GALR1: variants seen among roughly 807,000 people sequenced by gnomAD.
GALR1 encodes the protein galanin receptor type 1.
In GALR1, 11 loss-of-function variants were observed where a neutral mutation model predicts 17.9. That is an observed-to-expected ratio of 0.62 (90% CI 0.39 to 1.02). The LOEUF is 1.02. Ranked by LOEUF, GALR1 falls within the 50% of genes least tolerant of loss-of-function variation. GALR1 has a pLI of 0.01. For synonymous variants in GALR1, 206 were observed against 205.7 expected, an observed-to-expected ratio of 1.00 and a Z score of -0.01; for missense variants, 441 against 456.9, an observed-to-expected ratio of 0.97 and a Z score of 0.32.
At position 77,274,228 on chromosome 18, in the gene GALR1, G is replaced by A. The variant is rs145021312; in HGVS notation, c.*5326G>A. Reference sequence around the variant, plus strand: ...AATCTAGCCAAGGTGTCACATAATGGAGAAAAATGCAGATGGTCCTGTGGC... The same window carrying A: ...AATCTAGCCAAGGTGTCACATAATGAAGAAAAATGCAGATGGTCCTGTGGC... On this transcript the variant is annotated 3_prime_UTR_variant, in exon 3 of 3. Coordinates refer to ENST00000299727, the MANE Select transcript of GALR1 (RefSeq NM_001480.4). 86 of 152,112 alleles carry A rather than the reference G, an allele frequency of 5.7e-4. No individual in the cohort carries two copies. Among genetic ancestry groups the A allele is most frequent in the African/African-American group, 2.0e-3 (82 of 41,478 alleles). 9.4% of individuals were successfully genotyped at this position (152,112 alleles called of 1,614,324 possible).
At chr18:77,258,323 A>G (rs1208000281) in intron 2 of GALR1, among the ~76,000 whole-genome samples, 3 of 152,224 alleles carry the variant, frequency 2.0e-5, no homozygotes, top group Non-Finnish European at 4.4e-5. Flanking sequence ...TGAAGAAGGG[A>G]TGAAGATTTT....
intron 1 of GALR1, among the ~76,000 whole-genome samples, chr18:77,251,596 G>C (rs72618557): frequency 0.2 from 30,823 of 152,198 alleles, 4,027 homozygotes; most frequent in East Asian, 0.42. Context: ...AACCCCGCTC[G>C]GTTCCAGCAA....
intron 2 of GALR1, among the ~76,000 whole-genome samples, chr18:77,258,546 GTGA>G (rs1377946528): frequency 9.8e-6 from 1 of 102,200 alleles, no homozygotes; most frequent in East Asian, 3.0e-4. Flanking sequence ...GATTGTGGTG[GTGA>G]TGGTGGTGGT....
At chr18:77,252,716 C>A (rs185237078) in intron 1 of GALR1, among the ~76,000 whole-genome samples, 51 of 151,938 alleles carry the variant, frequency 3.4e-4, no homozygotes, top group Non-Finnish European at 6.8e-4. Flanking sequence ...GGTGTGGTGG[C>A]GGGCCCCTGT....
At chr18:77,258,687 A>ATAG (rs1568141353) in intron 2 of GALR1, among the ~76,000 whole-genome samples, 40 of 98,612 alleles carry the variant, frequency 4.1e-4, no homozygotes, top group African/African-American at 1.4e-3. Context: ...GGTGATGGTG[A>ATAG]TGGTGGTGGT....
chr18:77,254,582 T>A lies in GALR1; in HGVS notation c.667-1576T>A, dbSNP rs1912544849. Among the ~76,000 whole-genome samples, 8 of 152,324 alleles carry A rather than the reference T, an allele frequency of 5.3e-5. No homozygotes were observed. In the South Asian group the frequency reaches 1.7e-3, roughly 32 times the overall value. ...TCTCCTGTGTCCTCAGTGACCAGTGTTGTCCTGTGGTTTCCCATTGGGAAG... is the reference window on the plus strand; with the variant it reads ...TCTCCTGTGTCCTCAGTGACCAGTGATGTCCTGTGGTTTCCCATTGGGAAG... On this transcript the variant is annotated intron_variant, in intron 1 of 2. Coordinates refer to ENST00000299727, the MANE Select transcript of GALR1 (RefSeq NM_001480.4).
intron 2 of GALR1, among the ~76,000 whole-genome samples, chr18:77,257,511 G>A (rs1912617698): frequency 6.6e-6 from 1 of 152,210 alleles, no homozygotes; most frequent in Admixed American, 6.5e-5. Flanking sequence ...AATAAACCCT[G>A]TAAGTTGGTG....
In GALR1 at chr18:77,273,182, C is replaced by T. The variant is rs1442102435; in HGVS notation, c.*4280C>T. 1.3e-5 allele frequency: 2 copies of T among 152,262 alleles called. No homozygotes were observed. The highest frequency in any genetic ancestry group is 2.9e-5 in the Non-Finnish European group (2 of 68,110). The allele number at this position is 152,262 out of a possible 1,614,324, so 9.4% of individuals were successfully genotyped here. On this transcript the variant is annotated 3_prime_UTR_variant, in exon 3 of 3. Transcript: ENST00000299727. ...AGACCCTCACATACCTTGGCAGGCC[C>T]TGGCTTTCGTTTCTCTGTGGTGCCT...
intron 2 of GALR1, among the ~76,000 whole-genome samples, chr18:77,264,783 G>C (rs1399005507): frequency 6.6e-6 from 1 of 152,084 alleles, no homozygotes; most frequent in Non-Finnish European, 1.5e-5. Flanking sequence ...GAGAGTAAAG[G>C]GTGGGAAAAG....
Position 77,276,770 on chromosome 18 carries a change from A to G in GALR1, c.*7868A>G, listed in dbSNP as rs1913166288. On this transcript the variant is annotated 3_prime_UTR_variant, in exon 3 of 3. Coordinates refer to ENST00000299727, the MANE Select transcript of GALR1 (RefSeq NM_001480.4). ...AAATTGTTTACATGGAATTTAAATC[A>G]TTCAGAATTTTTATTGCTTACATTG... 6.6e-6 allele frequency: 1 copy of G among 152,258 alleles called. No individual in the cohort carries two copies. The allele number at this position is 152,258 out of a possible 1,614,324, so 9.4% of individuals were successfully genotyped here.
intron 2 of GALR1, among the ~76,000 whole-genome samples, chr18:77,261,922 CAA>C (rs1392559103): frequency 6.6e-6 from 1 of 152,086 alleles, no homozygotes; most frequent in East Asian, 1.9e-4. Context: ...TTTGTGGGCT[CAA>C]GAGATCCTCC....
At chr18:77,253,128 C>G (rs567688323) in intron 1 of GALR1, among the ~76,000 whole-genome samples, 1 of 151,654 alleles carries the variant, frequency 6.6e-6, no homozygotes. Context: ...GGTTTATTAA[C>G]GTGGTCTTCC....
chr18:77,252,854 ACACCACCAC>A (rs1217118933), intron 1 of GALR1, among the ~76,000 whole-genome samples: 10 of 52,610 alleles, frequency 1.9e-4, no homozygotes, highest in Admixed American at 4.4e-4. Flanking sequence ...CTGTCTCAAA[ACACCACCAC>A]CACCACCACC....
chr18:77,262,299 G>C (rs9807208), intron 2 of GALR1, among the ~76,000 whole-genome samples: 2 of 151,704 alleles, frequency 1.3e-5, no homozygotes, highest in Non-Finnish European at 2.9e-5. Flanking sequence ...ATTAGTACAC[G>C]TGCATTATTT....
In GALR1 at chr18:77,274,505, T is replaced by C. The variant is rs1278424116; in HGVS notation, c.*5603T>C. 2 of 152,284 alleles carry C rather than the reference T, an allele frequency of 1.3e-5. No individual in the cohort carries two copies. Among genetic ancestry groups the C allele is most frequent in the Non-Finnish European group, 2.9e-5 (2 of 68,114 alleles). 9.4% of individuals were successfully genotyped at this position (152,284 alleles called of 1,614,324 possible). On this transcript the variant is annotated 3_prime_UTR_variant, in exon 3 of 3. Coordinates refer to ENST00000299727, the MANE Select transcript of GALR1 (RefSeq NM_001480.4). ...AGGCCTTCAGTATATAATGGACTTGTGCCAAGTACCTAAGGGTTCACTGCC... is the reference window on the plus strand; with the variant it reads ...AGGCCTTCAGTATATAATGGACTTGCGCCAAGTACCTAAGGGTTCACTGCC...
In GALR1 at chr18:77,259,323, G is replaced by A. The variant is rs1340712539; in HGVS notation, c.732+3100G>A. 2.0e-3 allele frequency among the ~76,000 whole-genome samples: 245 copies of A among 119,552 alleles called. 2 individuals carry two copies. Among genetic ancestry groups the A allele is most frequent in the African/African-American group, 5.8e-3 (182 of 31,436 alleles). 78.4% of individuals were successfully genotyped at this position (119,552 alleles called of 152,430 possible). A position where few individuals can be genotyped will look rare whatever the true frequency, so the allele number is the denominator to read the frequency against. On this transcript the variant is annotated intron_variant, in intron 2 of 2. Coordinates refer to ENST00000299727, the MANE Select transcript of GALR1 (RefSeq NM_001480.4). Reference sequence around the variant, plus strand: ...GGTGATGATGGTGGTGATGATGGTGGTCATGGTGGCGATTGTGGTGATGGT... The same window carrying A: ...GGTGATGATGGTGGTGATGATGGTGATCATGGTGGCGATTGTGGTGATGGT...
rs56169635 is a variant in GALR1, at chr18:77,271,150, A to G, written c.*2248A>G. 17,987 of 151,842 alleles carry G rather than the reference A, an allele frequency of 0.12. 1,394 individuals carry two copies. The highest frequency in any genetic ancestry group is 0.31 in the East Asian group (1,587 of 5,140). 9.4% of individuals were successfully genotyped at this position (151,842 alleles called of 1,614,324 possible). A position where few individuals can be genotyped will look rare whatever the true frequency, so the allele number is the denominator to read the frequency against. ...GCTAATGTTGCTATTTTCTAGAGGC[A>G]TGCCGAAAATGTGCTGTGCCTTTGG... On this transcript the variant is annotated 3_prime_UTR_variant, in exon 3 of 3. Transcript: ENST00000299727.
chr18:77,271,530 C>A lies in GALR1; in HGVS notation c.*2628C>A, dbSNP rs1198149105. On this transcript the variant is annotated 3_prime_UTR_variant, in exon 3 of 3. Coordinates refer to ENST00000299727, the MANE Select transcript of GALR1 (RefSeq NM_001480.4). ...TGTTGCGTTTGCCAAGCATCTGCTT[C>A]CCAGCTAGATTTCCCCCTAATATAC... is the stretch of plus-strand genomic sequence containing the variant. The A allele has an allele frequency of 6.6e-6, 1 of 152,164 alleles. No individual in the cohort carries two copies. The highest frequency in any genetic ancestry group is 1.5e-5 in the Non-Finnish European group (1 of 68,028). The allele number at this position is 152,164 out of a possible 1,614,324, so 9.4% of individuals were successfully genotyped here.
intron 2 of GALR1, among the ~76,000 whole-genome samples, chr18:77,264,721 G>A (rs1912909335): frequency 6.6e-6 from 1 of 152,158 alleles, no homozygotes; most frequent in South Asian, 2.1e-4. Flanking sequence ...TACAATTATG[G>A]TGGAAGGGAA....
Sources: gnomAD v4.1 joint callset for allele counts (sites outside exome capture counted in the v4.1 genomes callset) on GRCh38, gnomAD v4.1.1 for gene constraint, MANE v1.5 for transcripts, NCBI Gene and HGNC (gene_info 2026-07-23, HGNC 2026-07-21) for gene names.